Variants in PAX6 observed in about 807,000 individuals in gnomAD.
PAX6 encodes paired box 6.
Under a neutral mutation model 60.7 loss-of-function variants are expected in PAX6, and 7 were observed. The ratio of observed to expected loss-of-function variants is 0.12; its 90% confidence interval spans 0.07 to 0.22. The LOEUF is 0.22. PAX6 is among the 10% of genes least tolerant of loss of function. PAX6 has a pLI of 1.00. For synonymous variants in PAX6, 208 were observed against 201.2 expected, an observed-to-expected ratio of 1.03 and a Z score of -0.29; for missense variants, 355 against 555.2, an observed-to-expected ratio of 0.64 and a Z score of 3.62.
chr11:31,814,990 G>GTCTCTCTCTCCCTCTC (rs1957306597), upstream of PAX6: 1 of 130,368 alleles, frequency 7.7e-6, no homozygotes, highest in Non-Finnish European at 1.6e-5. Flanking sequence ...AGGCCAGCCT[G>GTCTCTCTCTCCCTCTC]TCTCTCTCTC....
rs1299258202 is a variant in PAX6 at position 31,800,763 on chromosome 11, C to G, written c.493G>C (p.Gly165Arg). Residue 165 changes from glycine to arginine, a missense_variant, in exon 8 of 14, where the codon GGG becomes CGG. Physicochemically the swap from Gly to Arg is moderately radical, Grantham distance 125. This residue lies in a region of PAX6 where 143 missense variants were observed against 183.6 expected (regional missense o/e 0.78). Transcript: ENST00000640368. ...CGGGTGCCCCAGCTTCCGGTCTGCC[C>G]GTTCAACATCCTTAGTTTATCATAC... Reference protein sequence around the residue: ...GMYDKLRMLNGQTGSWGTRPG... With the variant: ...GMYDKLRMLNRQTGSWGTRPG... The G allele has an allele frequency of 2.5e-6, 4 of 1,614,076 alleles. No individual in the cohort carries two copies. The highest frequency in any genetic ancestry group is 1.3e-5 in the African/African-American group (1 of 74,914).
intron 3 of PAX6, 174 bp from the exon 4 acceptor site, chr11:31,806,636 A>C: frequency 1.7e-6 from 1 of 589,642 alleles, no homozygotes; most frequent in African/African-American, 1.9e-5. Context: ...CAGTGCATAC[A>C]AAATCTACCC....
chr11:31,804,540 A>C (rs974130480), intron 4 of PAX6: 3 of 152,248 alleles, frequency 2.0e-5, no homozygotes, highest in Non-Finnish European at 2.9e-5. Flanking sequence ...CAGCGCAAGC[A>C]GGGACTTTGC....
At chr11:31,817,876 C>T (rs1437525548) in exon 1 of PAX6, 2 of 152,654 alleles carry the variant, frequency 1.3e-5, no homozygotes, top group Admixed American at 6.5e-5. Flanking sequence ...CACCGCCGCT[C>T]GGCAGGGGAA....
intron 12 of PAX6, chr11:31,792,907 C>T (rs965711231): frequency 1.6e-5 from 4 of 243,956 alleles, no homozygotes; most frequent in African/African-American, 4.5e-5. Flanking sequence ...AGACAGAAAA[C>T]TAGCATTCTC....
In PAX6 at chr11:31,790,433, G is replaced by A. The variant is rs546471127; in HGVS notation, c.1225+277C>T. 13 of 1,321,772 alleles carry A rather than the reference G, an allele frequency of 9.8e-6. No homozygotes were observed. The South Asian group carries it at 1.1e-4, about 11-fold the overall frequency. The allele number at this position is 1,321,772 out of a possible 1,614,324, so 81.9% of individuals were successfully genotyped here. A position where few individuals can be genotyped will look rare whatever the true frequency, so the allele number is the denominator to read the frequency against. On this transcript the variant is annotated intron_variant, in intron 13 of 13. Transcript: ENST00000640368. ...CTCAGTGGGCCCCCTACTGAGCTTC[G>A]TCTAATAATCTGTCCTCAGAAAACT... is the stretch of plus-strand genomic sequence containing the variant.
At chr11:31,809,159 T>C (rs1231107321) in intron 2 of PAX6, 1 of 152,180 alleles carries the variant, frequency 6.6e-6, no homozygotes, top group Non-Finnish European at 1.5e-5. Flanking sequence ...AAAGAGTAAT[T>C]AGCAATTATG....
At chr11:31,795,397 T>G (rs1257372226) in intron 8 of PAX6, among the ~76,000 whole-genome samples, 5 of 152,256 alleles carry the variant, frequency 3.3e-5, no homozygotes, top group African/African-American at 4.8e-5. Context: ...GCGCTTCGCC[T>G]TGACACCTAT....
chr11:31,802,630 G>C (rs1015864308), intron 5 of PAX6, 74 bp downstream of exon 5: 1 of 1,524,936 alleles, frequency 6.6e-7, no homozygotes, highest in Non-Finnish European at 8.8e-7. Flanking sequence ...ATCGTTTACA[G>C]TAAGAAATGA....
chr11:31,807,711 T>G (rs1341370478), intron 2 of PAX6: 1 of 152,150 alleles, frequency 6.6e-6, no homozygotes, highest in Non-Finnish European at 1.5e-5. Flanking sequence ...AACAATGGCT[T>G]CTATTCTCCA....
rs889608643 is a variant in PAX6 at position 31,801,075 on chromosome 11, G to A, written c.400-219C>T. ...TTGGATAGAGAATTGGGCGGAGGGGGTCCTTCACCATTGCTTGGTGTCTCT... is the reference window on the plus strand; with the variant it reads ...TTGGATAGAGAATTGGGCGGAGGGGATCCTTCACCATTGCTTGGTGTCTCT... On this transcript the variant is annotated intron_variant, in intron 7 of 13. Coordinates refer to ENST00000640368, the MANE Select transcript of PAX6 (RefSeq NM_001368894.2). 5.9e-5 allele frequency: 43 copies of A among 732,044 alleles called. 2 individuals carry two copies. The highest frequency in any genetic ancestry group is 4.1e-5 in the Non-Finnish European group (18 of 444,106). The allele number at this position is 732,044 out of a possible 1,614,324, so 45.3% of individuals were successfully genotyped here.
chr11:31,797,401 G>A (rs1225855917), intron 8 of PAX6, among the ~76,000 whole-genome samples: 5 of 150,972 alleles, frequency 3.3e-5, no homozygotes, highest in Admixed American at 1.3e-4. Context: ...ATACACACGG[G>A]TTTACACAGG....
chr11:31,790,014 T>A lies in PAX6; in HGVS notation c.1231A>T (p.Ile411Phe), dbSNP rs2134385128. 1 of 1,579,676 alleles carries A rather than the reference T, an allele frequency of 6.3e-7. No individual in the cohort carries two copies. The highest frequency in any genetic ancestry group is 8.5e-7 in the Non-Finnish European group (1 of 1,171,368). ...GTSGTTSTGL[I>F]SPGVSVPVQV... ...ACTGGAACTGACACACCAGGGGAAA[T>A]GAGTCCTAGAAGTGGATGAAAGAAA... Residue 411 changes from isoleucine (I) to phenylalanine (F), a missense_variant, in exon 14 of 14, where the codon ATT (isoleucine) becomes TTT (phenylalanine). Physicochemically the swap from Ile to Phe is conservative, Grantham distance 21 (BLOSUM62 0). Coordinates refer to ENST00000640368, the MANE Select transcript of PAX6 (RefSeq NM_001368894.2).
chr11:31,808,526 T>TG (rs1228244816), intron 2 of PAX6: 1 of 152,236 alleles, frequency 6.6e-6, no homozygotes, highest in African/African-American at 2.4e-5. Flanking sequence ...GGTGGGGAGA[T>TG]GGGGAATGGA....
At chr11:31,794,181 A>G in intron 9 of PAX6, 67 bp from the exon 10 acceptor site, 1 of 1,065,140 alleles carries the variant, frequency 9.4e-7, no homozygotes, top group Non-Finnish European at 1.5e-6. Context: ...CAAACTGTGC[A>G]TCAAACTGGT....
At chr11:31,795,903 C>T (rs1328248767) in intron 8 of PAX6, among the ~76,000 whole-genome samples, 1 of 152,238 alleles carries the variant, frequency 6.6e-6, no homozygotes, top group Non-Finnish European at 1.5e-5. Context: ...GCATGGGCTA[C>T]CCACCTCCCT....
Position 31,789,047 on chromosome 11 carries a change from T to G in PAX6, c.*887A>C, listed in dbSNP as rs1335072631. 1 of 201,870 alleles carries G rather than the reference T, an allele frequency of 5.0e-6. No homozygotes were observed. The highest frequency in any genetic ancestry group is 2.3e-5 in the African/African-American group (1 of 43,680). The allele number at this position is 201,870 out of a possible 1,614,324, so 12.5% of individuals were successfully genotyped here. A position where few individuals can be genotyped will look rare whatever the true frequency, so the allele number is the denominator to read the frequency against. The stretch of plus-strand genomic sequence containing the variant: ...TAAGTTTAAAACTCTTGCAAGCACT[T>G]TTAATTGATTAGGAATGAACTCTAG... On this transcript the variant is annotated 3_prime_UTR_variant, in exon 14 of 14. Transcript: ENST00000640368.
chr11:31,815,850 G>C (rs902407764), upstream of PAX6, among the ~76,000 whole-genome samples: 1 of 152,172 alleles, frequency 6.6e-6, no homozygotes, highest in Non-Finnish European at 1.5e-5. Flanking sequence ...CTCACAGAGG[G>C]TGACTTCCAA....
At chr11:31,790,589 C>T in intron 13 of PAX6, 121 bp downstream of exon 13, 1 of 1,550,946 alleles carries the variant, frequency 6.4e-7, no homozygotes, top group Non-Finnish European at 8.8e-7. Context: ...TCCCCATCCC[C>T]CAGGGACAAG....
Sources: gnomAD v4.1 joint callset for allele counts (sites outside exome capture counted in the v4.1 genomes callset) on GRCh38, gnomAD v4.1.1 for gene constraint, gnomAD v4.1.1 regional missense constraint, MANE v1.5 for transcripts, NCBI Gene and HGNC (gene_info 2026-07-23, HGNC 2026-07-21) for gene names.